The following NRG1 variants were observed in gnomAD, a reference collection of about 807,000 sequenced individuals.
The protein encoded by NRG1 is pro-neuregulin-1, membrane-bound isoform.
A neutral mutation model predicts 63.8 loss-of-function variants in NRG1; 18 were observed. That is an observed-to-expected ratio of 0.28 (90% CI 0.19 to 0.42). The LOEUF (loss-of-function observed/expected upper bound fraction) is 0.42, where lower values mean the gene tolerates loss of function less well. Among genes scored for constraint, NRG1 ranks in the 10% least tolerant of loss-of-function variants. The pLI, the probability that NRG1 is intolerant of heterozygous loss-of-function variation, is 1.00. For synonymous variants in NRG1, 302 were observed against 301.3 expected, an observed-to-expected ratio of 1.00 and a Z score of -0.02; for missense variants, 762 against 814.7, an observed-to-expected ratio of 0.94 and a Z score of 0.79.
intron 1 of NRG1, among the ~76,000 whole-genome samples, chr8:31,967,544 A>T (rs1278214996): frequency 6.6e-6 from 1 of 152,168 alleles, no homozygotes; most frequent in East Asian, 1.9e-4. Context: ...AGAGCCCTGG[A>T]TAAGTAGTTT....
At chr8:32,537,587 T>C (rs141743750) in intron 1 of NRG1, among the ~76,000 whole-genome samples, 3 of 152,262 alleles carry the variant, frequency 2.0e-5, no homozygotes, top group South Asian at 2.1e-4. Flanking sequence ...CTGTGCTGGG[T>C]TGGCAGGAGC....
intron 1 of NRG1, among the ~76,000 whole-genome samples, chr8:32,221,533 C>A (rs186951568): frequency 6.6e-6 from 1 of 152,252 alleles, no homozygotes; most frequent in Admixed American, 6.5e-5. Context: ...TTTTGGAGAT[C>A]TTATCCCTTA....
chr8:32,030,749 A>C (rs1398873917), intron 1 of NRG1, among the ~76,000 whole-genome samples: 1 of 152,186 alleles, frequency 6.6e-6, no homozygotes, highest in Non-Finnish European at 1.5e-5. Flanking sequence ...AGTTCCCAGC[A>C]TACGTCTGCC....
At chr8:32,496,858 A>G (rs1827252612) in intron 1 of NRG1, among the ~76,000 whole-genome samples, 1 of 152,152 alleles carries the variant, frequency 6.6e-6, no homozygotes, top group Non-Finnish European at 1.5e-5. Flanking sequence ...TTAGTATTTA[A>G]GCAATACATG....
intron 1 of NRG1, among the ~76,000 whole-genome samples, chr8:31,731,153 C>T (rs1194736518): frequency 1.3e-5 from 2 of 151,956 alleles, no homozygotes; most frequent in African/African-American, 4.8e-5. Flanking sequence ...AATGAGCAGA[C>T]CCAACAAATG....
intron 1 of NRG1, among the ~76,000 whole-genome samples, chr8:32,253,882 A>C (rs62497576): frequency 0.027 from 4,183 of 152,272 alleles, 118 homozygotes; most frequent in African/African-American, 0.069. Flanking sequence ...TTATTGGTCT[A>C]TTCAGGGATT....
intron 1 of NRG1, among the ~76,000 whole-genome samples, chr8:32,042,693 G>T (rs1201182198): frequency 6.6e-6 from 1 of 151,416 alleles, no homozygotes; most frequent in Non-Finnish European, 1.5e-5. Context: ...TCTCAACAAA[G>T]AAATAAAAGA....
chr8:32,368,800 T>A (rs1005041154), intron 1 of NRG1, among the ~76,000 whole-genome samples: 2 of 152,190 alleles, frequency 1.3e-5, no homozygotes, highest in African/African-American at 4.8e-5. Flanking sequence ...CAAAAAATAA[T>A]TTTAATTTAA....
At chr8:31,668,593 C>CT (rs1181487722) in intron 1 of NRG1, among the ~76,000 whole-genome samples, 2 of 152,148 alleles carry the variant, frequency 1.3e-5, no homozygotes, top group East Asian at 1.9e-4. Flanking sequence ...AAATTGAAGA[C>CT]TAGATATTTG....
intron 1 of NRG1, among the ~76,000 whole-genome samples, chr8:31,758,542 A>C (rs1352641503): frequency 6.6e-6 from 1 of 152,176 alleles, no homozygotes; most frequent in Non-Finnish European, 1.5e-5. Context: ...GCCATAAAAA[A>C]GGATGAGTTC....
At chr8:31,697,964 A>G (rs1422988772) in intron 1 of NRG1, among the ~76,000 whole-genome samples, 1 of 150,934 alleles carries the variant, frequency 6.6e-6, no homozygotes, top group Admixed American at 6.6e-5. Flanking sequence ...TTAAAAGTCA[A>G]CCTGAATCGC....
intron 1 of NRG1, among the ~76,000 whole-genome samples, chr8:31,738,522 T>C (rs1251629909): frequency 6.6e-6 from 1 of 152,158 alleles, no homozygotes; most frequent in Non-Finnish European, 1.5e-5. Context: ...ATACACATTA[T>C]TATCATACCA....
intron 1 of NRG1, among the ~76,000 whole-genome samples, chr8:31,865,062 C>A (rs982565760): frequency 6.6e-6 from 1 of 152,152 alleles, no homozygotes; most frequent in African/African-American, 2.4e-5. Flanking sequence ...GGCTAACGAA[C>A]GCTCCTTTCC....
At chr8:32,663,685 A>G (rs1276244146) in intron 5 of NRG1, among the ~76,000 whole-genome samples, 1 of 152,198 alleles carries the variant, frequency 6.6e-6, no homozygotes, top group East Asian at 1.9e-4. Context: ...GGAGGTTATC[A>G]AGAGAGGAGA....
At chr8:32,682,047 T>C (rs1808789607) in intron 5 of NRG1, among the ~76,000 whole-genome samples, 1 of 152,176 alleles carries the variant, frequency 6.6e-6, no homozygotes, top group Non-Finnish European at 1.5e-5. Context: ...TAAAAATAAA[T>C]GTTACTATTT....
intron 1 of NRG1, among the ~76,000 whole-genome samples, chr8:32,309,419 T>A (rs726069): frequency 0.48 from 73,431 of 152,046 alleles, 18,380 homozygotes; most frequent in East Asian, 0.64. Flanking sequence ...TCATTCATTG[T>A]CTAAAAAATA....
intron 1 of NRG1, among the ~76,000 whole-genome samples, chr8:32,136,921 A>G (rs1195182187): frequency 1.3e-5 from 2 of 152,292 alleles, no homozygotes; most frequent in African/African-American, 2.4e-5. Context: ...CTAAGCACAG[A>G]CGATCAACAA....
chr8:32,345,374 G>A (rs1804752926), intron 1 of NRG1, among the ~76,000 whole-genome samples: 1 of 152,126 alleles, frequency 6.6e-6, no homozygotes, highest in Non-Finnish European at 1.5e-5. Context: ...TTGATACTGA[G>A]GGCTTCATCT....
chr8:32,240,110 TA>T (rs1490947931), intron 1 of NRG1, among the ~76,000 whole-genome samples: 1 of 152,186 alleles, frequency 6.6e-6, no homozygotes, highest in African/African-American at 2.4e-5. Context: ...TGAATATTAA[TA>T]GCTGTTTTAT....
Sources: allele counts gnomAD v4.1 joint callset (sites outside exome capture counted in the v4.1 genomes callset), GRCh38; gene constraint gnomAD v4.1.1; transcripts MANE v1.5; gene names NCBI Gene and HGNC (gene_info 2026-07-23, HGNC 2026-07-21).